IGF2R: variants seen among roughly 807,000 people sequenced by gnomAD.
IGF2R encodes insulin like growth factor 2 receptor.
In IGF2R, 91 loss-of-function variants were observed where a neutral mutation model predicts 270.6. The observed-to-expected ratio is 0.34, with a 90% CI of 0.28 to 0.40. The LOEUF is 0.40. IGF2R is among the 10% of genes least tolerant of loss of function. The pLI is 1.00. For missense variants in IGF2R, 2,805 were observed against 3,188.3 expected (o/e 0.88, Z 2.90); for synonymous variants, 1,316 against 1,258.9 (o/e 1.05, Z -0.96).
intron 37 of IGF2R, 136 bp downstream of exon 37, chr6:160,078,498 G>A: frequency 1.3e-6 from 1 of 797,124 alleles, no homozygotes; most frequent in Non-Finnish European, 2.0e-6. Flanking sequence ...GCATCTTGGT[G>A]CTCTCGTAGG....
intron 35 of IGF2R, 118 bp downstream of exon 35, chr6:160,074,093 A>G: frequency 1.4e-6 from 1 of 705,020 alleles, no homozygotes; most frequent in Non-Finnish European, 2.4e-6. Context: ...TGGAGAAAGT[A>G]AGTGGGACTG....
intron 2 of IGF2R, chr6:160,003,911 G>C (rs191676740): frequency 6.9e-6 from 1 of 145,776 alleles, no homozygotes. Context: ...AATGTGACAC[G>C]TAAGTAAAGA....
chr6:160,103,597 C>G, intron 46 of IGF2R, 149 bp from the exon 47 acceptor site: 2 of 641,544 alleles, frequency 3.1e-6, no homozygotes, highest in Non-Finnish European at 5.7e-6. Flanking sequence ...TAACCTGTCA[C>G]GGCTACTCAT....
At chr6:160,048,238 G>C (rs1313033320) in intron 17 of IGF2R, 137 bp from the exon 18 acceptor site, 3 of 836,852 alleles carry the variant, frequency 3.6e-6, no homozygotes, top group Non-Finnish European at 5.9e-6. Flanking sequence ...CATGCGCCCA[G>C]ACAAGCCAAC....
rs768029179 is a variant in IGF2R, at chr6:160,032,931, CCT to C, written c.1046-10_1046-9del. 2 of 1,578,860 alleles carry C rather than the reference CCT, an allele frequency of 1.3e-6. No individual in the cohort carries two copies. Among genetic ancestry groups the C allele is most frequent in the South Asian group, 1.1e-5 (1 of 89,308 alleles). On this transcript the variant is annotated splice_polypyrimidine_tract_variant and intron_variant, in intron 8 of 47. Coordinates refer to ENST00000356956, the MANE Select transcript of IGF2R (RefSeq NM_000876.4). The stretch of plus-strand genomic sequence containing the variant: ...AAACAAGCCTCTTCTTGTTAATTTC[CCT>C]GTTTTTAGGTTCATCCTATATTTCA...
At chr6:160,041,996 C>CT (rs3839347) in intron 11 of IGF2R, among the ~76,000 whole-genome samples, 49,590 of 148,372 alleles carry the variant, frequency 0.33, 8,682 homozygotes, top group East Asian at 0.75. Context: ...CTTAAGTTAA[C>CT]TTTTTTTTTT....
At chr6:160,032,878 C>T (rs1777728995) in intron 8 of IGF2R, 64 bp from the exon 9 acceptor site, 1 of 1,421,200 alleles carries the variant, frequency 7.0e-7, no homozygotes, top group African/African-American at 1.4e-5. Context: ...CTAAGTAAGA[C>T]TGTAATCTTC....
chr6:159,986,818 T>C (rs1783895679), intron 1 of IGF2R, among the ~76,000 whole-genome samples: 1 of 152,124 alleles, frequency 6.6e-6, no homozygotes, highest in Admixed American at 6.5e-5. Flanking sequence ...GAATGTAGGC[T>C]TTTTCTGGGA....
chr6:160,006,435 G>C (rs1449991233), intron 2 of IGF2R: 1 of 142,994 alleles, frequency 7.0e-6, no homozygotes, highest in Non-Finnish European at 1.6e-5. Context: ...GAGCTGTCCA[G>C]GCGCGGGAGC....
rs59215791 is a variant in IGF2R at position 160,000,728 on chromosome 6, G to GTTTTT, written c.290-8261_290-8257dup. Among the ~76,000 whole-genome samples, 401 of 69,920 alleles carry GTTTTT rather than the reference G, an allele frequency of 5.7e-3. 9 individuals are homozygous for GTTTTT. Among genetic ancestry groups the GTTTTT allele is most frequent in the East Asian group, 0.019 (35 of 1,860 alleles). 45.9% of individuals were successfully genotyped at this position (69,920 alleles called of 152,430 possible). A position where few individuals can be genotyped will look rare whatever the true frequency, so the allele number is the denominator to read the frequency against. On this transcript the variant is annotated intron_variant, in intron 2 of 47. Coordinates refer to ENST00000356956, the MANE Select transcript of IGF2R (RefSeq NM_000876.4). ...GGAAGATAATAGTTGGTGTGAGGTT[G>GTTTTT]TTTTTTTTTTTTTTTTTTTTTTTTT... is the stretch of plus-strand genomic sequence containing the variant.
chr6:160,046,835 G>C (rs547592945), intron 15 of IGF2R, among the ~76,000 whole-genome samples, 190 bp downstream of exon 15: 1 of 152,210 alleles, frequency 6.6e-6, no homozygotes, highest in Non-Finnish European at 1.5e-5. Flanking sequence ...GCCCATCCTT[G>C]GGAAAGAAGG....
intron 4 of IGF2R, among the ~76,000 whole-genome samples, chr6:160,020,934 T>C (rs1054877973): frequency 4.6e-5 from 7 of 152,030 alleles, no homozygotes; most frequent in African/African-American, 1.7e-4. Context: ...GCAACAAAAA[T>C]AAAAATAGAG....
intron 1 of IGF2R, among the ~76,000 whole-genome samples, chr6:159,976,699 G>A (rs1783699125): frequency 1.3e-5 from 2 of 151,308 alleles, no homozygotes; most frequent in Non-Finnish European, 2.9e-5. Flanking sequence ...GGATTCAAAA[G>A]TTCTATCTGT....
intron 5 of IGF2R, among the ~76,000 whole-genome samples, chr6:160,025,172 C>T (rs991211885): frequency 6.6e-6 from 1 of 152,224 alleles, no homozygotes; most frequent in African/African-American, 2.4e-5. Flanking sequence ...TTAGCTTAAG[C>T]TTTAGAATCT....
At chr6:160,089,030 G>T (rs980277767) in intron 42 of IGF2R, 77 bp from the exon 43 acceptor site, 6 of 1,475,116 alleles carry the variant, frequency 4.1e-6, no homozygotes, top group Admixed American at 3.8e-5. Flanking sequence ...CAAGGGCTCC[G>T]CAGTGTTCAT....
At chr6:159,974,265 T>G (rs1403985792) in intron 1 of IGF2R, among the ~76,000 whole-genome samples, 1 of 151,790 alleles carries the variant, frequency 6.6e-6, no homozygotes, top group Non-Finnish European at 1.5e-5. Context: ...TCTTTTCTTG[T>G]ATTTATTGGA....
At chr6:160,017,444 G>C (rs1777331415) in intron 4 of IGF2R, among the ~76,000 whole-genome samples, 1 of 152,148 alleles carries the variant, frequency 6.6e-6, no homozygotes, top group Non-Finnish European at 1.5e-5. Context: ...TGTATTTGAG[G>C]ACATAATTGA....
intron 29 of IGF2R, among the ~76,000 whole-genome samples, chr6:160,065,812 GTGTATATATATATATA>G (rs1289699200): frequency 1.3e-3 from 87 of 69,364 alleles, no homozygotes; most frequent in Middle Eastern, 0.015. Flanking sequence ...GTGTGTGTGT[GTGTATATATATATATA>G]TATATATATA....
chr6:160,079,549 C>G, intron 37 of IGF2R, 31 bp from the exon 38 acceptor site: 3 of 1,385,614 alleles, frequency 2.2e-6, no homozygotes, highest in Non-Finnish European at 1.9e-6. Flanking sequence ...TGCTGCCACT[C>G]TGCTGACGGC....
Sources: allele counts gnomAD v4.1 joint callset (sites outside exome capture counted in the v4.1 genomes callset), GRCh38; gene constraint gnomAD v4.1.1; transcripts MANE v1.5; gene names NCBI Gene and HGNC (gene_info 2026-07-23, HGNC 2026-07-21).